The following DOCK3 variants were observed in gnomAD, a reference collection of about 807,000 sequenced individuals.
DOCK3 encodes the protein dedicator of cytokinesis 3.
In DOCK3, 60 loss-of-function variants were observed where a neutral mutation model predicts 265.6. That is an observed-to-expected ratio of 0.23 (90% confidence interval 0.18 to 0.28). The LOEUF is 0.28. Ranked by LOEUF, DOCK3 falls within the 10% of genes least tolerant of loss-of-function variation. The probability of loss-of-function intolerance (pLI) is 1.00; values close to 1 mark genes in which losing one functional copy is unlikely to be tolerated. For missense variants in DOCK3, 1,981 were observed against 2,594.3 expected (o/e 0.76, Z 5.14); for synonymous variants, 881 against 938.0 (o/e 0.94, Z 1.11).
chr3:51,334,225 C>T (rs899814146), intron 35 of DOCK3, among the ~76,000 whole-genome samples: 1 of 152,184 alleles, frequency 6.6e-6, no homozygotes, highest in Admixed American at 6.5e-5. Flanking sequence ...GACAATGAAG[C>T]CACAACTGCA....
chr3:51,315,171 C>T (rs1031958215), intron 32 of DOCK3, 43 bp downstream of exon 32: 10 of 1,541,898 alleles, frequency 6.5e-6, no homozygotes, highest in African/African-American at 1.4e-5. Flanking sequence ...TGGAATGGAT[C>T]CCTTCTGCTT....
rs770651638 is a variant in DOCK3, at chr3:51,354,969, G to A, written c.4195G>A (p.Ala1399Thr). Residue 1399 changes from alanine to threonine, a missense_variant, in exon 41 of 53, where the codon GCC becomes ACC. By Grantham distance (58) the Ala-to-Thr change is moderately conservative. Coordinates refer to ENST00000266037, the MANE Select transcript of DOCK3 (RefSeq NM_004947.5). ...GCTCAGTGAGTTTCCGCAGGCTGTC[G>A]CCATGCAGCACCCCAACCATCCTGA... ...RMLSEFPQAV[A>T]MQHPNHPDDA... 8.1e-6 allele frequency: 13 copies of A among 1,613,768 alleles called. No individual in the cohort carries two copies. Among genetic ancestry groups the A allele is most frequent in the South Asian group, 6.6e-5 (6 of 91,088 alleles).
intron 1 of DOCK3, among the ~76,000 whole-genome samples, chr3:50,775,958 T>G (rs903603950): frequency 6.6e-6 from 1 of 152,216 alleles, no homozygotes; most frequent in East Asian, 1.9e-4. Context: ...GGTGTATATT[T>G]ACCACATTTT....
chr3:51,341,461 A>G, intron 38 of DOCK3, 76 bp downstream of exon 38: 1 of 1,574,940 alleles, frequency 6.3e-7, no homozygotes, highest in Non-Finnish European at 8.6e-7. Context: ...CATAGGGTTA[A>G]CAGCAGCTGC....
intron 5 of DOCK3, among the ~76,000 whole-genome samples, chr3:50,948,483 A>G (rs559504199): frequency 7.1e-6 from 1 of 141,414 alleles, no homozygotes; most frequent in Non-Finnish European, 1.5e-5. Context: ...AGCTCACTGT[A>G]AGCTCCAACT....
At chr3:51,326,494 C>G (rs2084122555) in intron 32 of DOCK3, among the ~76,000 whole-genome samples, 1 of 152,106 alleles carries the variant, frequency 6.6e-6, no homozygotes, top group Non-Finnish European at 1.5e-5. Context: ...GTTGGTCAGA[C>G]TGGTCTCGAG....
chr3:51,065,175 A>G lies in DOCK3; in HGVS notation c.464+579A>G, dbSNP rs140665900. ...GTATAATTTTCAGTGAATATAATTGATATATCAATAATTGATATAATAATT... is the reference window on the plus strand; with the variant it reads ...GTATAATTTTCAGTGAATATAATTGGTATATCAATAATTGATATAATAATT... On this transcript the variant is annotated intron_variant, in intron 6 of 52. Transcript: ENST00000266037. Among the ~76,000 whole-genome samples the G allele has an allele frequency of 8.8e-3, 1,335 of 152,248 alleles. 25 individuals are homozygous for G. Among genetic ancestry groups the G allele is most frequent in the African/African-American group, 0.029 (1,190 of 41,550 alleles).
intron 22 of DOCK3, among the ~76,000 whole-genome samples, 190 bp downstream of exon 22, chr3:51,246,997 T>A (rs1468150317): frequency 6.6e-6 from 1 of 152,210 alleles, no homozygotes; most frequent in East Asian, 1.9e-4. Flanking sequence ...TTATTCCTGA[T>A]AATTTTAAAG....
chr3:50,903,664 A>G (rs1174912920), intron 4 of DOCK3, among the ~76,000 whole-genome samples: 1 of 152,118 alleles, frequency 6.6e-6, no homozygotes, highest in Non-Finnish European at 1.5e-5. Context: ...TGGTATCAAA[A>G]TATTGCTGGC....
chr3:50,922,065 C>G (rs1372211927), intron 4 of DOCK3, among the ~76,000 whole-genome samples: 1 of 152,154 alleles, frequency 6.6e-6, no homozygotes. Context: ...CTGGGAGAAC[C>G]ACTTCTCTCT....
At chr3:50,948,886 A>G (rs1446143636) in intron 5 of DOCK3, among the ~76,000 whole-genome samples, 1 of 152,248 alleles carries the variant, frequency 6.6e-6, no homozygotes, top group African/African-American at 2.4e-5. Context: ...TATAAAATAT[A>G]GTAAGACTGT....
chr3:51,159,338 A>T, intron 11 of DOCK3, 34 bp downstream of exon 11: 1 of 1,600,626 alleles, frequency 6.2e-7, no homozygotes, highest in Non-Finnish European at 8.6e-7. Flanking sequence ...CATGACTAAG[A>T]ATGGCCCAAC....
chr3:50,926,096 G>A (rs1209419961), intron 4 of DOCK3, among the ~76,000 whole-genome samples: 1 of 152,088 alleles, frequency 6.6e-6, no homozygotes, highest in Non-Finnish European at 1.5e-5. Context: ...GCCTCCCAAA[G>A]TTATAGCAGG....
intron 22 of DOCK3, among the ~76,000 whole-genome samples, chr3:51,257,862 C>G (rs1302385776): frequency 6.6e-6 from 1 of 152,218 alleles, no homozygotes; most frequent in Non-Finnish European, 1.5e-5. Context: ...CGCTCTCCTT[C>G]CCCAGTTGAA....
chr3:50,949,962 T>G (rs988640977), intron 5 of DOCK3, among the ~76,000 whole-genome samples: 1 of 152,060 alleles, frequency 6.6e-6, no homozygotes, highest in Non-Finnish European at 1.5e-5. Flanking sequence ...TTTATCCAAT[T>G]TTTTTCCAGC....
At chr3:51,035,760 T>A (rs184677420) in intron 5 of DOCK3, among the ~76,000 whole-genome samples, 68 of 152,336 alleles carry the variant, frequency 4.5e-4, no homozygotes, top group Admixed American at 3.5e-3. Context: ...TATACACTGT[T>A]ATGCCTATGG....
chr3:51,192,246 G>A (rs1181400328), intron 12 of DOCK3, among the ~76,000 whole-genome samples: 3 of 151,308 alleles, frequency 2.0e-5, no homozygotes, highest in African/African-American at 7.3e-5. Context: ...TCCATTATGT[G>A]TTGATTTTTT....
intron 21 of DOCK3, among the ~76,000 whole-genome samples, chr3:51,238,047 C>T (rs559464834): frequency 8.9e-4 from 133 of 149,626 alleles, no homozygotes; most frequent in African/African-American, 3.2e-3. Flanking sequence ...CAAGGCTCAT[C>T]CATGTTTTAG....
At chr3:50,957,007 T>G (rs1447754963) in intron 5 of DOCK3, among the ~76,000 whole-genome samples, 1 of 152,180 alleles carries the variant, frequency 6.6e-6, no homozygotes, top group Non-Finnish European at 1.5e-5. Context: ...TCAAATGATC[T>G]GCCTGCCTTG....
Sources: allele counts gnomAD v4.1 joint callset (sites outside exome capture counted in the v4.1 genomes callset), GRCh38; gene constraint gnomAD v4.1.1; transcripts MANE v1.5; gene names NCBI Gene and HGNC (gene_info 2026-07-23, HGNC 2026-07-21).